The following SPTLC3 variants were observed in gnomAD, a reference collection of about 807,000 sequenced individuals.
The protein encoded by SPTLC3 is serine palmitoyltransferase long chain base subunit 3, also known as serine palmitoyltransferase 3.
In SPTLC3, 36 loss-of-function variants were observed where a neutral mutation model predicts 59.3. The ratio of observed to expected loss-of-function variants is 0.61; its 90% CI spans 0.47 to 0.80. The LOEUF (loss-of-function observed/expected upper bound fraction) is 0.80, where lower values mean the gene tolerates loss of function less well. Among genes scored for constraint, SPTLC3 ranks in the 30% least tolerant of loss-of-function variants. The pLI is 0.00. For synonymous variants in SPTLC3, 257 were observed against 240.8 expected (o/e 1.07, Z -0.62); for missense variants, 625 against 685.1 (o/e 0.91, Z 0.98).
chr20:13,049,311 A>G lies in SPTLC3; in HGVS notation c.303+181A>G, dbSNP rs6134758. On this transcript the variant is annotated intron_variant, in intron 2 of 11. Transcript: ENST00000399002. ...CCCATGGGCTTATGGACCTGTTTTT[A>G]CAAACATCTCATGGGCAACTACTAT... 19 of 656,704 alleles carry G rather than the reference A, an allele frequency of 2.9e-5. No individual in the cohort carries two copies. The East Asian group carries it at 5.1e-4, about 18-fold the overall frequency. The allele number at this position is 656,704 out of a possible 1,614,324, so 40.7% of individuals were successfully genotyped here.
chr20:13,129,631 T>C (rs547409032), intron 9 of SPTLC3, among the ~76,000 whole-genome samples: 1 of 152,388 alleles, frequency 6.6e-6, no homozygotes, highest in African/African-American at 2.4e-5. Flanking sequence ...CTTTGGTCTA[T>C]ATGTCATCCG....
chr20:13,092,425 T>A (rs1386112353), intron 5 of SPTLC3, among the ~76,000 whole-genome samples: 2 of 152,260 alleles, frequency 1.3e-5, no homozygotes, highest in Non-Finnish European at 2.9e-5. Flanking sequence ...GGTCTTAGAC[T>A]GGATTTTGCA....
intron 4 of SPTLC3, among the ~76,000 whole-genome samples, chr20:13,088,828 C>G (rs1989100745): frequency 8.0e-6 from 1 of 125,008 alleles, no homozygotes; most frequent in African/African-American, 3.1e-5. Context: ...ATGAGGTTTC[C>G]CCATGTTGGC....
chr20:13,033,219 G>T (rs79624179), intron 1 of SPTLC3, among the ~76,000 whole-genome samples: 8,383 of 152,224 alleles, frequency 0.055, 266 homozygotes, highest in South Asian at 0.083. Context: ...ACAATATTCT[G>T]ATAGTATGTG....
chr20:13,087,917 G>T (rs1176804688), intron 4 of SPTLC3, among the ~76,000 whole-genome samples: 2 of 152,174 alleles, frequency 1.3e-5, no homozygotes, highest in African/African-American at 4.8e-5. Flanking sequence ...AAGATGAAGG[G>T]CAAAAAATGG....
Position 13,165,169 on chromosome 20 carries a change from T to C in SPTLC3, c.*302T>C, listed in dbSNP as rs151174742. 2.0e-4 allele frequency: 50 copies of C among 253,118 alleles called. 1 individual carries two copies. The highest frequency in any genetic ancestry group is 9.8e-4 in the African/African-American group (44 of 45,036). 15.7% of individuals were successfully genotyped at this position (253,118 alleles called of 1,614,324 possible). ...AATAAGCCTGTGTTTTAGCTGCTAC[T>C]GTGCAGACCCTTTCAGGGATTCCAA... On this transcript the variant is annotated 3_prime_UTR_variant, in exon 12 of 12. Transcript: ENST00000399002.
chr20:13,068,294 A>G (rs1041424988), intron 2 of SPTLC3, among the ~76,000 whole-genome samples: 5 of 152,214 alleles, frequency 3.3e-5, no homozygotes, highest in African/African-American at 1.2e-4. Context: ...GGTATTTTCT[A>G]TCATATCTAG....
At chr20:13,138,999 T>C (rs1017003869) in intron 9 of SPTLC3, among the ~76,000 whole-genome samples, 3 of 152,216 alleles carry the variant, frequency 2.0e-5, no homozygotes, top group African/African-American at 7.2e-5. Flanking sequence ...CAGCAGGCAC[T>C]GGGCAACAGC....
intron 1 of SPTLC3, among the ~76,000 whole-genome samples, chr20:13,011,255 A>T (rs1394613011): frequency 6.6e-6 from 1 of 152,102 alleles, no homozygotes; most frequent in African/African-American, 2.4e-5. Flanking sequence ...ACCAGTTTTG[A>T]TCCTTGGGAC....
intron 7 of SPTLC3, among the ~76,000 whole-genome samples, chr20:13,114,021 T>C (rs757211686): frequency 6.6e-6 from 1 of 152,220 alleles, no homozygotes; most frequent in Non-Finnish European, 1.5e-5. Context: ...CCAGGACAGA[T>C]AACCGAGATG....
At chr20:13,073,659 A>C (rs6041842) in intron 3 of SPTLC3, 1 of 319,354 alleles carries the variant, frequency 3.1e-6, no homozygotes, top group East Asian at 7.3e-5. Flanking sequence ...GGAATGATTA[A>C]CATTTTTTTT....
intron 4 of SPTLC3, among the ~76,000 whole-genome samples, chr20:13,076,485 C>A (rs1988650131): frequency 6.6e-6 from 1 of 151,872 alleles, no homozygotes; most frequent in Non-Finnish European, 1.5e-5. Flanking sequence ...AAAAATAACT[C>A]CTCAGAGCTT....
At chr20:13,021,575 C>T (rs1470005559) in intron 1 of SPTLC3, among the ~76,000 whole-genome samples, 1 of 147,286 alleles carries the variant, frequency 6.8e-6, no homozygotes, top group Non-Finnish European at 1.5e-5. Flanking sequence ...ACCATCCCCA[C>T]CTCCACCAAA....
At chr20:13,040,872 G>T (rs1476083842) in intron 1 of SPTLC3, among the ~76,000 whole-genome samples, 3 of 151,664 alleles carry the variant, frequency 2.0e-5, no homozygotes, top group Admixed American at 6.6e-5. Context: ...ATTATTGGTT[G>T]ACTTCTTAAA....
At chr20:13,028,491 T>C (rs1227488318) in intron 1 of SPTLC3, among the ~76,000 whole-genome samples, 2 of 152,214 alleles carry the variant, frequency 1.3e-5, no homozygotes, top group Non-Finnish European at 2.9e-5. Flanking sequence ...AAAGATATTA[T>C]GGACATGATG....
At chr20:13,065,306 A>C in intron 2 of SPTLC3, among the ~76,000 whole-genome samples, 1 of 146,902 alleles carries the variant, frequency 6.8e-6, no homozygotes, top group Non-Finnish European at 1.5e-5. Flanking sequence ...TGTAACTATC[A>C]GATACATAAA....
intron 3 of SPTLC3, chr20:13,073,721 G>A (rs1988532084): frequency 8.5e-6 from 4 of 469,020 alleles, no homozygotes; most frequent in Non-Finnish European, 1.7e-5. Context: ...GTTCTGAGTT[G>A]ACGCCTGAAC....
chr20:13,030,976 C>T (rs1986414985), intron 1 of SPTLC3, among the ~76,000 whole-genome samples: 1 of 152,076 alleles, frequency 6.6e-6, no homozygotes, highest in Non-Finnish European at 1.5e-5. Flanking sequence ...TATTTCCTTC[C>T]AGACCAAGGG....
At chr20:13,012,691 G>T (rs927263415) in intron 1 of SPTLC3, among the ~76,000 whole-genome samples, 1 of 152,164 alleles carries the variant, frequency 6.6e-6, no homozygotes, top group Admixed American at 6.5e-5. Flanking sequence ...CCATGAAGTG[G>T]TAGTATACTG....
Sources: allele counts gnomAD v4.1 joint callset (sites outside exome capture counted in the v4.1 genomes callset), GRCh38; gene constraint gnomAD v4.1.1; transcripts MANE v1.5; gene names NCBI Gene and HGNC (gene_info 2026-07-23, HGNC 2026-07-21).